The following CHFR variants were observed in gnomAD, a reference collection of about 807,000 sequenced individuals.
The protein encoded by CHFR is E3 ubiquitin-protein ligase CHFR.
In CHFR, 57 loss-of-function variants were observed where a neutral mutation model predicts 87.6. That is an observed-to-expected ratio of 0.65 (90% CI 0.53 to 0.81). The LOEUF (loss-of-function observed/expected upper bound fraction) is 0.81. Among genes scored for constraint, CHFR ranks in the 30% least tolerant of loss-of-function variants. CHFR has a pLI of 0.00. For synonymous variants in CHFR, 381 were observed against 359.2 expected (o/e 1.06, Z -0.69); for missense variants, 797 against 865.8 (o/e 0.92, Z 1.00).
chr12:132,848,008 T>C (rs1301406533), intron 14 of CHFR, 77 bp downstream of exon 14: 9 of 1,605,818 alleles, frequency 5.6e-6, no homozygotes, highest in Non-Finnish European at 7.7e-6. Flanking sequence ...TAAACACCAA[T>C]AGAATGCAGA....
intron 10 of CHFR, among the ~76,000 whole-genome samples, chr12:132,855,688 T>G (rs939829976): frequency 6.6e-6 from 1 of 152,158 alleles, no homozygotes; most frequent in East Asian, 1.9e-4. Flanking sequence ...AAAAAAAAAT[T>G]TGTTAGTACA....
intron 6 of CHFR, chr12:132,867,351 C>G (rs1951368382): frequency 6.6e-6 from 1 of 152,238 alleles, no homozygotes; most frequent in African/African-American, 2.4e-5. Context: ...TGTCCTGTAG[C>G]AGAGCAGCCA....
chr12:132,862,048 G>C (rs2136984587), intron 6 of CHFR: 1 of 204,888 alleles, frequency 4.9e-6, no homozygotes, highest in Admixed American at 5.3e-5. Flanking sequence ...CGAAGCAAGT[G>C]GATCACCTGA....
chr12:132,853,457 G>C lies in CHFR; in HGVS notation c.1346C>G (p.Pro449Arg). 1 of 1,535,014 alleles carries C rather than the reference G, an allele frequency of 6.5e-7. No individual in the cohort carries two copies. Among genetic ancestry groups the C allele is most frequent in the Non-Finnish European group, 8.7e-7 (1 of 1,150,024 alleles). ...PGAPQALGDA[P>R]STSVSLTTAV... ...TGTCGTCAGGCTGACGGACGTGGAG[G>C]GTGCATCCCCCAGGGCCTGTGGGGC... Residue 449 changes from proline (P) to arginine (R), a missense_variant, in exon 11 of 18, where the codon CCC becomes CGC. Pro to Arg is a moderately radical substitution (Grantham distance 103, BLOSUM62 -2). Coordinates refer to ENST00000450056, the MANE Select transcript of CHFR (RefSeq NM_001161346.2).
intron 5 of CHFR, 139 bp from the exon 6 acceptor site, chr12:132,869,937 G>T: frequency 1.0e-6 from 1 of 972,574 alleles, no homozygotes; most frequent in Non-Finnish European, 1.5e-6. Flanking sequence ...GGCCAGGCAC[G>T]GTGGTGCAGG....
chr12:132,852,332 G>C (rs575213003), intron 11 of CHFR, among the ~76,000 whole-genome samples: 3 of 152,260 alleles, frequency 2.0e-5, no homozygotes, highest in African/African-American at 4.8e-5. Flanking sequence ...GAGAGGACAA[G>C]CCCATAGAAC....
intron 3 of CHFR, among the ~76,000 whole-genome samples, chr12:132,873,870 C>T (rs1458677663): frequency 6.6e-6 from 1 of 152,248 alleles, no homozygotes; most frequent in Non-Finnish European, 1.5e-5. Context: ...CCTCCGCTTA[C>T]ACCCCTTTGA....
intron 2 of CHFR, among the ~76,000 whole-genome samples, chr12:132,883,689 T>C (rs1420061363): frequency 6.6e-6 from 1 of 152,238 alleles, no homozygotes; most frequent in Non-Finnish European, 1.5e-5. Context: ...ATCGTGCCAC[T>C]GCACTCCAGA....
At chr12:132,852,060 T>C (rs1019738085) in intron 11 of CHFR, among the ~76,000 whole-genome samples, 1 of 151,830 alleles carries the variant, frequency 6.6e-6, no homozygotes, top group African/African-American at 2.4e-5. Flanking sequence ...CTCGGCTCAC[T>C]GCAAGCTCCG....
At chr12:132,876,171 C>T (rs868215222) in intron 3 of CHFR, among the ~76,000 whole-genome samples, 6 of 140,792 alleles carry the variant, frequency 4.3e-5, no homozygotes, top group South Asian at 4.2e-4. Flanking sequence ...GAAACTCCAT[C>T]TCAAAAAAAA....
chr12:132,872,184 C>T (rs1015213680), intron 4 of CHFR, 101 bp downstream of exon 4: 20 of 735,316 alleles, frequency 2.7e-5, no homozygotes, highest in Non-Finnish European at 4.4e-5. Context: ...CCAGGAGGAA[C>T]GTTCCTATGG....
rs1467066206 is a variant in CHFR, at chr12:132,845,751, C to A, written c.1735+1292G>T. 1.8e-4 allele frequency among the ~76,000 whole-genome samples: 28 copies of A among 151,782 alleles called. 1 individual carries two copies. The highest frequency in any genetic ancestry group is 1.8e-3 in the Admixed American group (28 of 15,198). On this transcript the variant is annotated intron_variant, in intron 15 of 17. Transcript: ENST00000450056. ...AGTGACCCTCACCAAGTGACTGACA[C>A]ATCAAGCAAGAGATTCACCAAGTCC...
intron 6 of CHFR, chr12:132,862,399 C>A (rs113941471): frequency 0.029 from 13,039 of 444,872 alleles, 281 homozygotes; most frequent in Non-Finnish European, 0.042. Flanking sequence ...TTTAGACCAG[C>A]CTGGGCAACA....
chr12:132,867,004 A>AG (rs1350574467), intron 6 of CHFR: 2 of 152,506 alleles, frequency 1.3e-5, no homozygotes, highest in Non-Finnish European at 2.9e-5. Context: ...ACTGCACTCC[A>AG]GCCTGGGCAA....
intron 10 of CHFR, among the ~76,000 whole-genome samples, chr12:132,855,304 C>T (rs538257993): frequency 5.2e-4 from 79 of 151,776 alleles, no homozygotes; most frequent in African/African-American, 1.8e-3. Flanking sequence ...TGCCTGTAAT[C>T]CCAGCTATTT....
At chr12:132,884,658 G>T (rs1184596899) in intron 2 of CHFR, among the ~76,000 whole-genome samples, 1 of 152,128 alleles carries the variant, frequency 6.6e-6, no homozygotes, top group Non-Finnish European at 1.5e-5. Context: ...GAGGCAGAGA[G>T]AGCAAGCAGA....
rs910524067 is a variant in CHFR at position 132,844,568 on chromosome 12, G to C, written c.1736-434C>G. 2.0e-5 allele frequency among the ~76,000 whole-genome samples: 3 copies of C among 151,504 alleles called. No individual in the cohort carries two copies. In the East Asian group the frequency reaches 5.8e-4, roughly 29 times the overall value. On this transcript the variant is annotated intron_variant, in intron 15 of 17. Transcript: ENST00000450056. ...CAAAGTGCTGGGATTACAGGCGTGAGCCACTGCGCCCGGCCACCAATTTAT... is the reference window on the plus strand; with the variant it reads ...CAAAGTGCTGGGATTACAGGCGTGACCCACTGCGCCCGGCCACCAATTTAT...
Position 132,841,599 on chromosome 12 carries a change from G to A in CHFR, c.1917-3C>T, listed in dbSNP as rs1950705096. 6.2e-7 allele frequency: 1 copy of A among 1,613,212 alleles called. No individual in the cohort carries two copies. Among genetic ancestry groups the A allele is most frequent in the Non-Finnish European group, 8.5e-7 (1 of 1,179,324 alleles). ...GTTCACAGATATGATTGAATTTCCT[G>A]CAGGGAGAAAATGGCCAAATTACAC... On this transcript the variant is annotated splice_region_variant and splice_polypyrimidine_tract_variant and intron_variant, in intron 17 of 17. Transcript: ENST00000450056.
In CHFR at chr12:132,839,017, G is replaced by A. The variant is rs1427046283; in HGVS notation, c.*2537C>T. ...TCCTCTTCACAGTGGGCCAGGAGTT[G>A]GACTTCTCTGAAGGACTAAGGAAGC... On this transcript the variant is annotated 3_prime_UTR_variant, in exon 18 of 18. Coordinates refer to ENST00000450056, the MANE Select transcript of CHFR (RefSeq NM_001161346.2). The A allele has an allele frequency of 6.6e-6, 1 of 152,270 alleles. No individual in the cohort carries two copies. Among genetic ancestry groups the A allele is most frequent in the Non-Finnish European group, 1.5e-5 (1 of 68,142 alleles). 9.4% of individuals were successfully genotyped at this position (152,270 alleles called of 1,614,324 possible).
Sources: allele counts gnomAD v4.1 joint callset (sites outside exome capture counted in the v4.1 genomes callset), GRCh38; gene constraint gnomAD v4.1.1; transcripts MANE v1.5; gene names NCBI Gene and HGNC (gene_info 2026-07-23, HGNC 2026-07-21).